AIMP2: variants seen among roughly 807,000 people sequenced by gnomAD.
The protein encoded by AIMP2 is aminoacyl tRNA synthetase complex interacting multifunctional protein 2.
In AIMP2, 20 loss-of-function variants were observed where a neutral mutation model predicts 23.4. The observed-to-expected ratio is 0.85, with a 90% CI of 0.60 to 1.24. The LOEUF is 1.24. Among genes scored for constraint, AIMP2 ranks in the 50% most tolerant of loss-of-function variants. AIMP2 has a pLI of 0.00. For synonymous variants in AIMP2, 210 were observed against 170.4 expected (o/e 1.23, Z -1.81); for missense variants, 515 against 414.5 (o/e 1.24, Z -2.10).
chr7:6,021,855 C>T (rs949118169), intron 3 of AIMP2, among the ~76,000 whole-genome samples: 1 of 152,128 alleles, frequency 6.6e-6, no homozygotes, highest in Non-Finnish European at 1.5e-5. Flanking sequence ...CTGCACACAA[C>T]TATTTTTAGA....
intron 3 of AIMP2, among the ~76,000 whole-genome samples, chr7:6,021,785 G>A (rs1485501764): frequency 1.3e-5 from 2 of 152,114 alleles, no homozygotes; most frequent in African/African-American, 2.4e-5. Context: ...CTTCTTTTAC[G>A]ACCTGGAGTC....
intron 1 of AIMP2, among the ~76,000 whole-genome samples, chr7:6,013,346 C>G (rs1236465155): frequency 6.7e-6 from 1 of 150,302 alleles, no homozygotes; most frequent in Non-Finnish European, 1.5e-5. Flanking sequence ...ACTGCAACCT[C>G]CGCCTCCCGG....
intron 3 of AIMP2, among the ~76,000 whole-genome samples, chr7:6,019,208 A>G (rs938464036): frequency 2.0e-5 from 3 of 151,946 alleles, no homozygotes; most frequent in Non-Finnish European, 2.9e-5. Flanking sequence ...TCTCCAGGAA[A>G]TTGCATGTTG....
chr7:6,012,798 C>G (rs1041829422), intron 1 of AIMP2: 2 of 1,015,288 alleles, frequency 2.0e-6, no homozygotes, highest in African/African-American at 1.7e-5. Flanking sequence ...GTGATCCACC[C>G]GCCTCGCCCT....
intron 1 of AIMP2, chr7:6,012,675 T>A (rs1786764853): frequency 2.6e-6 from 1 of 391,522 alleles, no homozygotes; most frequent in South Asian, 1.9e-5. Flanking sequence ...TTCTCCTGCC[T>A]TAGCCTCTCC....
chr7:6,020,621 T>C (rs1330081014), intron 3 of AIMP2, among the ~76,000 whole-genome samples: 1 of 152,140 alleles, frequency 6.6e-6, no homozygotes, highest in Non-Finnish European at 1.5e-5. Context: ...GTTTGGCTTT[T>C]AAAAATGTCA....
chr7:6,010,658 A>G, intron 1 of AIMP2, among the ~76,000 whole-genome samples: 1 of 152,088 alleles, frequency 6.6e-6, no homozygotes, highest in East Asian at 1.9e-4. Context: ...CATGTTGGCC[A>G]GGCTGATCTC....
At chr7:6,016,944 T>A (rs1014339607) in intron 2 of AIMP2, 2 of 160,222 alleles carry the variant, frequency 1.2e-5, no homozygotes, top group Admixed American at 1.3e-4. Flanking sequence ...CAGAGCAAAC[T>A]GTGGCCCCGA....
chr7:6,023,189 C>T, intron 3 of AIMP2, 114 bp from the exon 4 acceptor site: 5 of 1,259,014 alleles, frequency 4.0e-6, no homozygotes, highest in Non-Finnish European at 5.4e-6. Flanking sequence ...CTTGAAAACA[C>T]CCTTTCCCAT....
In AIMP2 at chr7:6,009,974, A is replaced by AATATATAT. The variant is rs1183984035; in HGVS notation, c.135+487_135+494dup. Among the ~76,000 whole-genome samples the AATATATAT allele has an allele frequency of 4.9e-3, 131 of 26,602 alleles. 2 individuals carry two copies. The highest frequency in any genetic ancestry group is 7.4e-3 in the East Asian group (2 of 272). The allele number at this position is 26,602 out of a possible 152,430, so 17.5% of individuals were successfully genotyped here. On this transcript the variant is annotated intron_variant, in intron 1 of 3. Transcript: ENST00000223029. ...CAAAAAAAAAAAAAAAAAAAAAAAAAATATATATATATATATATGTATGTA... is the reference window on the plus strand; with the variant it reads ...CAAAAAAAAAAAAAAAAAAAAAAAAAATATATATATATATATATATATATATGTATGTA...
chr7:6,023,781 A>G lies in AIMP2; in HGVS notation c.*90A>G. On this transcript the variant is annotated 3_prime_UTR_variant, in exon 4 of 4. Transcript: ENST00000223029. ...GTAAGGGGACTTGTATTAGAGTCAG[A>G]GTCTTTTTATTTAGGCCAGTTGTCA... 6.9e-6 allele frequency: 11 copies of G among 1,601,410 alleles called. No homozygotes were observed. The highest frequency in any genetic ancestry group is 1.3e-5 in the African/African-American group (1 of 74,880).
rs752395765 is a variant in AIMP2 at position 6,009,387 on chromosome 7, C to G, written c.24C>G (p.Pro8=). The change falls in exon 1 of 4, where the codon CCC becomes CCG. Residue 8 remains proline (P), a synonymous_variant. Transcript: ENST00000223029. The part of the protein sequence containing the change: MPMYQVK[P]YHGGGAPLRV... ...CCATGCCGATGTACCAGGTAAAGCC[C>G]TATCACGGGGGCGGCGCGCCTCTCC... 3 of 1,611,758 alleles carry G rather than the reference C, an allele frequency of 1.9e-6. No homozygotes were observed. In the Admixed American group the frequency reaches 5.0e-5, roughly 27 times the overall value.
chr7:6,012,287 C>A (rs182333924), intron 1 of AIMP2, among the ~76,000 whole-genome samples: 1 of 151,606 alleles, frequency 6.6e-6, no homozygotes, highest in African/African-American at 2.4e-5. Flanking sequence ...AATCAAGTAT[C>A]TCCAGGGTAA....
intron 1 of AIMP2, among the ~76,000 whole-genome samples, chr7:6,013,724 G>A (rs1786844243): frequency 6.6e-6 from 1 of 152,122 alleles, no homozygotes; most frequent in Non-Finnish European, 1.5e-5. Flanking sequence ...GAGGTGGGAG[G>A]ATGGCTTGAG....
chr7:6,014,958 G>A (rs184178290), intron 1 of AIMP2, 188 bp from the exon 2 acceptor site: 1 of 1,315,212 alleles, frequency 7.6e-7, no homozygotes, highest in East Asian at 2.9e-5. Flanking sequence ...GACGTCAGAT[G>A]ATCTGCCTAC....
At chr7:6,018,199 T>G (rs1476968964) in intron 3 of AIMP2, among the ~76,000 whole-genome samples, 154 bp downstream of exon 3, 1 of 143,402 alleles carries the variant, frequency 7.0e-6, no homozygotes, top group Non-Finnish European at 1.5e-5. Flanking sequence ...CAGGCTGGAG[T>G]GCAGTGGCAC....
At chr7:6,009,615 G>A (rs1406627250) in intron 1 of AIMP2, 117 bp downstream of exon 1, 7 of 916,170 alleles carry the variant, frequency 7.6e-6, no homozygotes, top group Admixed American at 8.6e-5. Flanking sequence ...CCCGGCATCT[G>A]TGCCGGCCGG....
chr7:6,009,974 A>AAAAATATACAT lies in AIMP2; in HGVS notation c.135+477_135+478insAAATATACATA. 2.2e-4 allele frequency among the ~76,000 whole-genome samples: 6 copies of AAAAATATACAT among 26,674 alleles called. 1 individual carries two copies. The highest frequency in any genetic ancestry group is 8.4e-4 in the African/African-American group (6 of 7,146). The allele number at this position is 26,674 out of a possible 152,430, so 17.5% of individuals were successfully genotyped here. On this transcript the variant is annotated intron_variant, in intron 1 of 3. Coordinates refer to ENST00000223029, the MANE Select transcript of AIMP2 (RefSeq NM_006303.4). Reference sequence around the variant, plus strand: ...CAAAAAAAAAAAAAAAAAAAAAAAAAATATATATATATATATATGTATGTA... The same window carrying AAAAATATACAT: ...CAAAAAAAAAAAAAAAAAAAAAAAAAAAAATATACATATATATATATATATATATGTATGTA...
chr7:6,023,071 T>A (rs957207529), intron 3 of AIMP2: 2 of 518,762 alleles, frequency 3.9e-6, no homozygotes, highest in Non-Finnish European at 6.6e-6. Context: ...AGAAGTGTCA[T>A]AATCAAATAC....
Sources: gnomAD v4.1 joint callset for allele counts (sites outside exome capture counted in the v4.1 genomes callset) on GRCh38, gnomAD v4.1.1 for gene constraint, MANE v1.5 for transcripts, NCBI Gene and HGNC (gene_info 2026-07-23, HGNC 2026-07-21) for gene names.